Variants in IARS1 observed in about 807,000 individuals in gnomAD.
IARS1 encodes isoleucine--tRNA ligase, cytoplasmic.
Under a neutral mutation model 168.2 loss-of-function variants are expected in IARS1, and 124 were observed. The observed-to-expected ratio is 0.74, with a 90% CI of 0.64 to 0.86. IARS1 has a LOEUF of 0.86. Ranked by LOEUF, IARS1 falls within the 40% of genes least tolerant of loss-of-function variation. The probability of loss-of-function intolerance (pLI) is 0.00; values close to 1 mark genes in which losing one functional copy is unlikely to be tolerated. For synonymous variants in IARS1, 532 were observed against 529.4 expected, an observed-to-expected ratio of 1.00 and a Z score of -0.07; for missense variants, 1,452 against 1,515.8, an observed-to-expected ratio of 0.96 and a Z score of 0.70.
chr9:92,228,160 A>G lies in IARS1; in HGVS notation c.3409+841T>C, dbSNP rs895612247. Among the ~76,000 whole-genome samples the G allele has an allele frequency of 2.6e-5, 4 of 152,056 alleles. No homozygotes were observed. In the East Asian group the frequency reaches 5.8e-4, roughly 22 times the overall value. ...ACCAGCCCGATGGCCACCTTCTTAT[A>G]ATGACAACAGTCATACTGGATTAGG... On this transcript the variant is annotated intron_variant, in intron 31 of 33. Transcript: ENST00000443024.
intron 31 of IARS1, among the ~76,000 whole-genome samples, chr9:92,224,716 C>T (rs192936132): frequency 1.3e-5 from 2 of 152,184 alleles, no homozygotes; most frequent in Admixed American, 6.5e-5. Flanking sequence ...GTCTGTACTC[C>T]TAGTTACTTT....
At chr9:92,259,714 G>A (rs1831241376) in intron 18 of IARS1, among the ~76,000 whole-genome samples, 2 of 152,132 alleles carry the variant, frequency 1.3e-5, no homozygotes, top group African/African-American at 4.8e-5. Context: ...TCAAGCAGTG[G>A]CTCAAATTTC....
intron 29 of IARS1, among the ~76,000 whole-genome samples, chr9:92,241,561 C>T (rs541860053): frequency 4.4e-4 from 67 of 152,198 alleles, no homozygotes; most frequent in Middle Eastern, 3.4e-3. Context: ...AGGCTGGTCT[C>T]GCACTCTTGA....
At chr9:92,273,439 T>C (rs747393314) in intron 10 of IARS1, among the ~76,000 whole-genome samples, 3 of 152,168 alleles carry the variant, frequency 2.0e-5, no homozygotes, top group Non-Finnish European at 4.4e-5. Flanking sequence ...AGGATGAGGA[T>C]TTGCTTTTAA....
At chr9:92,229,916 G>A (rs1022013145) in intron 30 of IARS1, among the ~76,000 whole-genome samples, 20 of 152,128 alleles carry the variant, frequency 1.3e-4, no homozygotes, top group African/African-American at 4.6e-4. Context: ...AAGATACAGA[G>A]TAGTTCTGCC....
rs142411431 is a variant in IARS1, at chr9:92,256,736, C to T, written c.2081G>A (p.Arg694Gln). ...TVRESPNITD[R>Q]WILSFMQSLI... is the part of the protein sequence containing the mutation. ...AGACTGCATGAAGGACAGGATCCAC[C>T]GGTCTGTAATGTTGGGGCTTTCTCT... The change falls in exon 20 of 34, where the codon CGG becomes CAG. Residue 694 changes from arginine (R) to glutamine (Q), a missense_variant. Transcript: ENST00000443024. 7.6e-5 allele frequency: 123 copies of T among 1,613,802 alleles called. No individual in the cohort carries two copies. The highest frequency in any genetic ancestry group is 1.9e-4 in the African/African-American group (14 of 75,054).
intron 2 of IARS1, among the ~76,000 whole-genome samples, 170 bp downstream of exon 2, chr9:92,289,131 C>T (rs988195174): frequency 7.1e-6 from 1 of 141,424 alleles, no homozygotes; most frequent in Non-Finnish European, 1.5e-5. Context: ...CACTTGCATC[C>T]GGGAGGCAGA....
At chr9:92,234,912 C>T (rs1246221112) in intron 30 of IARS1, among the ~76,000 whole-genome samples, 4 of 151,456 alleles carry the variant, frequency 2.6e-5, no homozygotes, top group Non-Finnish European at 5.9e-5. Flanking sequence ...GGCGCGATCT[C>T]GGCTCACTGC....
intron 2 of IARS1, among the ~76,000 whole-genome samples, chr9:92,288,932 C>T (rs946785531): frequency 3.9e-5 from 6 of 152,068 alleles, no homozygotes; most frequent in Non-Finnish European, 5.9e-5. Flanking sequence ...CTTTAGGCCG[C>T]GCGTGATGGC....
At chr9:92,250,674 C>G in intron 23 of IARS1, 39 bp downstream of exon 23, 1 of 1,518,770 alleles carries the variant, frequency 6.6e-7, no homozygotes, top group South Asian at 1.3e-5. Context: ...ACTCTCCCCT[C>G]CTTGGCACAG....
At chr9:92,243,111 G>T in intron 28 of IARS1, 105 bp downstream of exon 28, 1 of 730,012 alleles carries the variant, frequency 1.4e-6, no homozygotes, top group Non-Finnish European at 2.4e-6. Context: ...TGATTGTTAT[G>T]CATTGATCAC....
intron 30 of IARS1, among the ~76,000 whole-genome samples, chr9:92,235,514 T>A (rs1827360031): frequency 1.6e-5 from 1 of 62,064 alleles, no homozygotes; most frequent in Non-Finnish European, 3.0e-5. Flanking sequence ...ATTACATTGA[T>A]TTTTTTTTTT....
rs547052776 is a variant in IARS1 at position 92,293,246 on chromosome 9, T to A, written c.-8+365A>T. On this transcript the variant is annotated intron_variant, in intron 1 of 33. Transcript: ENST00000443024. ...CCGAATAATTGTTTCTCCAGGCAAA[T>A]AACTGAAAACAATCTAAATATTCAT... Among the ~76,000 whole-genome samples, 342 of 152,184 alleles carry A rather than the reference T, an allele frequency of 2.2e-3. 1 individual carries two copies. Among genetic ancestry groups the A allele is most frequent in the Non-Finnish European group, 3.6e-3 (246 of 68,030 alleles).
At chr9:92,263,799 C>A (rs187750905) in intron 16 of IARS1, among the ~76,000 whole-genome samples, 79 of 152,288 alleles carry the variant, frequency 5.2e-4, no homozygotes, top group Admixed American at 4.1e-3. Context: ...GGACTGTTAC[C>A]AGCTAACAGA....
chr9:92,222,307 C>T (rs1276190187), intron 33 of IARS1, among the ~76,000 whole-genome samples: 1 of 123,654 alleles, frequency 8.1e-6, no homozygotes, highest in Non-Finnish European at 1.6e-5. Flanking sequence ...TGCCACTGCA[C>T]TCCAGCCTGG....
rs1835744231 is a variant in IARS1, at chr9:92,288,127, A to G, written c.275T>C (p.Val92Ala). ...ATAAAGCTGGATACTCAAACATACCACAGGTAAGCCATGGCAATCCCATCC... is the reference window on the plus strand; with the variant it reads ...ATAAAGCTGGATACTCAAACATACCGCAGGTAAGCCATGGCAATCCCATCC... The part of the protein sequence containing the change: ...RFGWDCHGLP[V>A]EYEIDKTLGI... The change falls in exon 3 of 34, where the codon GTG (valine) becomes GCG (alanine). Residue 92 changes from valine (V) to alanine (A), a missense_variant and splice_region_variant. Coordinates refer to ENST00000443024, the MANE Select transcript of IARS1 (RefSeq NM_002161.6). The G allele has an allele frequency of 6.2e-7, 1 of 1,612,394 alleles. No individual in the cohort carries two copies. The highest frequency in any genetic ancestry group is 1.1e-5 in the South Asian group (1 of 90,632).
At chr9:92,243,915 A>G (rs1828813106) in intron 27 of IARS1, among the ~76,000 whole-genome samples, 1 of 152,222 alleles carries the variant, frequency 6.6e-6, no homozygotes, top group African/African-American at 2.4e-5. Flanking sequence ...TAATGACACT[A>G]TCGCTTCTGT....
At position 92,287,825 on chromosome 9, in the gene IARS1, C is replaced by T. The variant is rs761968353; in HGVS notation, c.362G>A (p.Arg121Gln). 80 of 1,613,686 alleles carry T rather than the reference C, an allele frequency of 5.0e-5. No individual in the cohort carries two copies. The highest frequency in any genetic ancestry group is 6.2e-5 in the Non-Finnish European group (73 of 1,179,866). ...AGCAGAATATCTCATCACAATTGCTCGGCACTGATTGTTATACTCTGTAAT... is the reference window on the plus strand; with the variant it reads ...AGCAGAATATCTCATCACAATTGCTTGGCACTGATTGTTATACTCTGTAAT... ...MGITEYNNQC[R>Q]AIVMRYSAEW... Residue 121 changes from arginine to glutamine, a missense_variant, in exon 4 of 34, where the codon CGA (arginine) becomes CAA (glutamine). Coordinates refer to ENST00000443024, the MANE Select transcript of IARS1 (RefSeq NM_002161.6).
At chr9:92,270,336 T>C (rs1345613067) in intron 12 of IARS1, among the ~76,000 whole-genome samples, 1 of 152,338 alleles carries the variant, frequency 6.6e-6, no homozygotes, top group South Asian at 2.1e-4. Context: ...AGCATGGTCT[T>C]ATATTAAAGG....
Sources: gnomAD v4.1 joint callset for allele counts (sites outside exome capture counted in the v4.1 genomes callset) on GRCh38, gnomAD v4.1.1 for gene constraint, MANE v1.5 for transcripts, NCBI Gene and HGNC (gene_info 2026-07-23, HGNC 2026-07-21) for gene names.